ARHGEF10L: variants seen among roughly 807,000 people sequenced by gnomAD.
The protein encoded by ARHGEF10L is Rho guanine nucleotide exchange factor 10 like.
A neutral mutation model predicts 141.2 loss-of-function variants in ARHGEF10L; 69 were observed. The ratio of observed to expected loss-of-function variants is 0.49; its 90% CI spans 0.40 to 0.60. The LOEUF (loss-of-function observed/expected upper bound fraction) is 0.60. Among genes scored for constraint, ARHGEF10L ranks in the 20% least tolerant of loss-of-function variants. ARHGEF10L has a pLI of 0.00. For synonymous variants in ARHGEF10L, 711 were observed against 718.5 expected (o/e 0.99, Z 0.17); for missense variants, 1,482 against 1,734.3 (o/e 0.85, Z 2.58).
At position 17,662,090 on chromosome 1, in the gene ARHGEF10L, T is replaced by A. The variant is rs576098772; in HGVS notation, c.2861-2357T>A. Among the ~76,000 whole-genome samples the A allele has an allele frequency of 3.9e-5, 6 of 152,214 alleles. No homozygotes were observed. In the South Asian group the frequency reaches 6.2e-4, roughly 16 times the overall value. Reference sequence around the variant, plus strand: ...TGTTGTGGCAAATGGCATCAAACAGTAAGAGCCACGGACACAGACTCCTCT... The same window carrying A: ...TGTTGTGGCAAATGGCATCAAACAGAAAGAGCCACGGACACAGACTCCTCT... On this transcript the variant is annotated intron_variant, in intron 25 of 28. Coordinates refer to ENST00000361221, the MANE Select transcript of ARHGEF10L (RefSeq NM_018125.4).
intron 26 of ARHGEF10L, among the ~76,000 whole-genome samples, chr1:17,676,503 A>G (rs1275148462): frequency 6.6e-6 from 1 of 151,960 alleles, no homozygotes; most frequent in Non-Finnish European, 1.5e-5. Flanking sequence ...ATTCAATATC[A>G]TGCAGGCGAG....
chr1:17,666,462 C>T (rs2062981600), intron 26 of ARHGEF10L, among the ~76,000 whole-genome samples: 1 of 151,964 alleles, frequency 6.6e-6, no homozygotes, highest in Non-Finnish European at 1.5e-5. Context: ...CTGATGGTGA[C>T]TCTTGGGCTG....
intron 2 of ARHGEF10L, among the ~76,000 whole-genome samples, chr1:17,585,167 G>A (rs975172073): frequency 1.3e-5 from 2 of 152,158 alleles, no homozygotes; most frequent in African/African-American, 4.8e-5. Context: ...TGAGCTACCA[G>A]GGGTTGGGAA....
At chr1:17,547,924 G>A (rs1382281465) in intron 1 of ARHGEF10L, among the ~76,000 whole-genome samples, 4 of 152,204 alleles carry the variant, frequency 2.6e-5, no homozygotes, top group African/African-American at 9.7e-5. Context: ...TCTGGGAGTA[G>A]ACGCTGGGAG....
At chr1:17,532,069 C>T in the ARHGEF10L span, among the ~76,000 whole-genome samples, 2 of 152,218 alleles carry the variant, frequency 1.3e-5, no homozygotes, top group Non-Finnish European at 2.9e-5. Flanking sequence ...GCCCTGCCCT[C>T]CTGAGAACCT....
At chr1:17,670,094 C>T (rs1210519277) in intron 26 of ARHGEF10L, among the ~76,000 whole-genome samples, 2 of 152,264 alleles carry the variant, frequency 1.3e-5, no homozygotes, top group East Asian at 1.9e-4. Context: ...GAAAGCACCG[C>T]GAGCCACGCC....
chr1:17,595,317 CG>C (rs544673937), intron 4 of ARHGEF10L, among the ~76,000 whole-genome samples: 12 of 149,680 alleles, frequency 8.0e-5, no homozygotes, highest in African/African-American at 3.0e-4. Context: ...ACATGGCTCT[CG>C]ATACATTTTT....
chr1:17,608,599 A>AG (rs2081387914), intron 7 of ARHGEF10L, among the ~76,000 whole-genome samples: 1 of 152,044 alleles, frequency 6.6e-6, no homozygotes, highest in South Asian at 2.1e-4. Flanking sequence ...TGAGGCTGTG[A>AG]GGGGGATAGG....
intron 1 of ARHGEF10L, among the ~76,000 whole-genome samples, chr1:17,556,324 T>C (rs1383098271): frequency 1.0e-4 from 14 of 140,428 alleles, no homozygotes; most frequent in Admixed American, 1.0e-3. Context: ...GGGGTGGGCC[T>C]GGGAGCATGG....
At chr1:17,691,777 T>A (rs2065126960) in intron 27 of ARHGEF10L, among the ~76,000 whole-genome samples, 1 of 152,150 alleles carries the variant, frequency 6.6e-6, no homozygotes, top group Non-Finnish European at 1.5e-5. Context: ...TTTGTAGTAC[T>A]CATTGATGGA....
the ARHGEF10L span, among the ~76,000 whole-genome samples, chr1:17,524,402 CACACACACACACACACACAA>C: frequency 6.9e-6 from 1 of 145,628 alleles, no homozygotes; most frequent in East Asian, 2.0e-4. Flanking sequence ...CACACACACA[CACACACACACACACACACAA>C]AATTAGCCTG....
intron 25 of ARHGEF10L, among the ~76,000 whole-genome samples, chr1:17,660,542 C>T (rs1298923131): frequency 6.6e-6 from 1 of 152,218 alleles, no homozygotes; most frequent in Non-Finnish European, 1.5e-5. Context: ...TTTACTGTCA[C>T]CAGGCAGGGG....
chr1:17,623,250 C>T lies in ARHGEF10L; in HGVS notation c.1200+75C>T. 6.6e-7 allele frequency: 1 copy of T among 1,516,788 alleles called. No homozygotes were observed. The highest frequency in any genetic ancestry group is 9.0e-7 in the Non-Finnish European group (1 of 1,117,190). The allele number at this position is 1,516,788 out of a possible 1,614,324, so 94.0% of individuals were successfully genotyped here. ...CAGTCTGACCCCGGGGCCATGCAGT[C>T]CAGCCTCCTGCCTCTGCCTGCTTGC... On this transcript the variant is annotated intron_variant, in intron 12 of 28. Transcript: ENST00000361221. This position sits in a 1 kb window ranked among gnomAD's most constrained non-coding sequence, Gnocchi z 4.7.
Position 17,689,738 on chromosome 1 carries a change from C to G in ARHGEF10L, c.3184+1991C>G, listed in dbSNP as rs74061960. On this transcript the variant is annotated intron_variant, in intron 27 of 28. Coordinates refer to ENST00000361221, the MANE Select transcript of ARHGEF10L (RefSeq NM_018125.4). ...ACTATCTCCACATTTCCTCTGATAG[C>G]TAAATTATTTCAAGTTAGTGGAACA... 2,831 of 454,160 alleles carry G rather than the reference C, an allele frequency of 6.2e-3. 63 individuals are homozygous for G. The highest frequency in any genetic ancestry group is 0.051 in the African/African-American group (2,537 of 49,642). 28.1% of individuals were successfully genotyped at this position (454,160 alleles called of 1,614,324 possible).
Position 17,618,200 on chromosome 1 carries a change from G to T in ARHGEF10L, c.836-1139G>T, listed in dbSNP as rs978127466. The T allele has an allele frequency of 3.2e-5, 28 of 885,132 alleles. No individual in the cohort carries two copies. The African/African-American group carries it at 4.1e-4, about 13-fold the overall frequency. The allele number at this position is 885,132 out of a possible 1,614,324, so 54.8% of individuals were successfully genotyped here. Reference sequence around the variant, plus strand: ...ATAACGTGGCCAGGCCAGCTGGCTGGGAACTCTTCCTGGGTCACCCTCCCA... The same window carrying T: ...ATAACGTGGCCAGGCCAGCTGGCTGTGAACTCTTCCTGGGTCACCCTCCCA... On this transcript the variant is annotated intron_variant, in intron 9 of 28. Transcript: ENST00000361221.
At chr1:17,671,737 A>G (rs1209293152) in intron 26 of ARHGEF10L, among the ~76,000 whole-genome samples, 2 of 152,134 alleles carry the variant, frequency 1.3e-5, no homozygotes, top group East Asian at 1.9e-4. Context: ...CACCTCCTAC[A>G]TACACCACAG....
chr1:17,618,128 C>T (rs2059908358), intron 9 of ARHGEF10L, among the ~76,000 whole-genome samples: 1 of 152,178 alleles, frequency 6.6e-6, no homozygotes, highest in African/African-American at 2.4e-5. Context: ...ATGGAGGGAG[C>T]AGGCCAAGTG....
intron 26 of ARHGEF10L, among the ~76,000 whole-genome samples, chr1:17,666,536 G>A (rs1396543681): frequency 6.6e-6 from 1 of 152,142 alleles, no homozygotes; most frequent in African/African-American, 2.4e-5. Flanking sequence ...GGACCTGGCA[G>A]TGAGGACCTT....
intron 4 of ARHGEF10L, among the ~76,000 whole-genome samples, chr1:17,597,895 C>T (rs561643318): frequency 7.9e-4 from 120 of 152,272 alleles, no homozygotes; most frequent in African/African-American, 2.8e-3. Context: ...CTGACCTCAC[C>T]CAGTGATGCC....
Sources: gnomAD v4.1 joint callset for allele counts (sites outside exome capture counted in the v4.1 genomes callset) on GRCh38, gnomAD v4.1.1 for gene constraint, Gnocchi (gnomAD v3.1) non-coding constraint, MANE v1.5 for transcripts, NCBI Gene and HGNC (gene_info 2026-07-23, HGNC 2026-07-21) for gene names.